ZNF808: variants seen among roughly 807,000 people sequenced by gnomAD.
ZNF808 encodes zinc finger protein 808.
ZNF808 carries 5 observed loss-of-function variants against 8.7 expected under a neutral mutation model. That is an observed-to-expected ratio of 0.58 (90% CI 0.30 to 1.21). ZNF808 has a LOEUF of 1.21. Among genes scored for constraint, ZNF808 ranks in the 50% most tolerant of loss-of-function variants. ZNF808 has a pLI of 0.07. For missense variants in ZNF808, 1,103 were observed against 1,098.4 expected (o/e 1.00, Z -0.06); for synonymous variants, 380 against 366.0 (o/e 1.04, Z -0.44).
exon 4 of ZNF808, chr19:52,564,431 A>G (rs905038241): frequency 3.5e-6 from 1 of 286,566 alleles, no homozygotes; most frequent in Non-Finnish European, 6.4e-6. Flanking sequence ...TTCAAAAAAA[A>G]AATTTTAATG....
At position 52,555,817 on chromosome 19, in the gene ZNF808, C is replaced by A; in HGVS notation, c.*189C>A. On this transcript the variant is annotated 3_prime_UTR_variant, in exon 5 of 5. Coordinates refer to ENST00000359798, the MANE Select transcript of ZNF808 (RefSeq NM_001039886.4). ...ACAAATGTCATGATTGAGGCAAGGT[C>A]TTCAGTCAAGCTTCATCCTATGCAA... The A allele has an allele frequency of 2.2e-6, 2 of 895,178 alleles. No homozygotes were observed. The highest frequency in any genetic ancestry group is 3.6e-6 in the Non-Finnish European group (2 of 549,680). The allele number at this position is 895,178 out of a possible 1,614,324, so 55.5% of individuals were successfully genotyped here. A position where few individuals can be genotyped will look rare whatever the true frequency, so the allele number is the denominator to read the frequency against.
In ZNF808 at chr19:52,553,478, T is replaced by C. The variant is rs758449836; in HGVS notation, c.562T>C (p.Ser188Pro). The C allele has an allele frequency of 1.9e-6, 3 of 1,614,154 alleles. No individual in the cohort carries two copies. In the Admixed American group the frequency reaches 5.0e-5, roughly 27 times the overall value. ...ACTTGAGAAGTCTACCAGTGATGCT[T>C]CCTCAGTTTCAACATCCCAAAGAAT... ...NQLEKSTSDA[S>P]SVSTSQRISC... Residue 188 changes from serine to proline, a missense_variant, in exon 5 of 5, where the codon TCC (serine) becomes CCC (proline). Physicochemically the swap from Ser to Pro is moderately conservative, Grantham distance 74 (BLOSUM62 -1). Transcript: ENST00000359798.
chr19:52,534,789 TGAGGCAGAAGAATAGCTTCAACCCAG>T (rs1568478422), intron 2 of ZNF808, among the ~76,000 whole-genome samples: 1 of 151,894 alleles, frequency 6.6e-6, no homozygotes, highest in Non-Finnish European at 1.5e-5. Context: ...CTCGAAAGGC[TGAGGCAGAAGAATAGCTTCAACCCAG>T]GAGGCAGAGG....
At chr19:52,560,734 C>T (rs1412366173), downstream of ZNF808, among the ~76,000 whole-genome samples, 1 of 152,150 alleles carries the variant, frequency 6.6e-6, no homozygotes, top group Non-Finnish European at 1.5e-5. Flanking sequence ...TTCCATTTTC[C>T]TCCAAGCTCA....
intron 3 of ZNF808, 72 bp from the exon 4 acceptor site, chr19:52,547,440 T>A: frequency 6.2e-7 from 1 of 1,603,676 alleles, no homozygotes; most frequent in Non-Finnish European, 8.5e-7. Context: ...TTATTTTCCC[T>A]TTTCTCATTT....
chr19:52,551,081 A>T (rs1160942428), intron 4 of ZNF808, among the ~76,000 whole-genome samples: 9 of 152,176 alleles, frequency 5.9e-5, no homozygotes, highest in African/African-American at 2.2e-4. Flanking sequence ...ATTGGGCATG[A>T]TGACTCATGC....
downstream of ZNF808, among the ~76,000 whole-genome samples, chr19:52,561,204 CTCTCTCTCTATATA>C (rs1279725765): frequency 9.1e-3 from 357 of 39,062 alleles, 3 homozygotes; most frequent in Middle Eastern, 0.017. Context: ...CTCTCTCTCT[CTCTCTCTCTATATA>C]TATATATATA....
intron 2 of ZNF808, among the ~76,000 whole-genome samples, chr19:52,535,499 C>T (rs1205213080): frequency 2.0e-5 from 3 of 152,168 alleles, no homozygotes; most frequent in African/African-American, 2.4e-5. Flanking sequence ...CCTCAGGCTT[C>T]CGCCCCGTGC....
chr19:52,567,604 A>G (rs779519461), downstream of ZNF808, among the ~76,000 whole-genome samples: 3 of 150,826 alleles, frequency 2.0e-5, no homozygotes, highest in Non-Finnish European at 4.4e-5. Flanking sequence ...GGCTCACCAC[A>G]GCTTCCATTT....
chr19:52,566,772 C>G (rs188506888), downstream of ZNF808, among the ~76,000 whole-genome samples: 1 of 152,212 alleles, frequency 6.6e-6, no homozygotes, highest in East Asian at 1.9e-4. Flanking sequence ...TTCCTTACTG[C>G]TCACGCATGA....
At chr19:52,547,730 T>A in intron 4 of ZNF808, 92 bp downstream of exon 4, 4 of 1,400,842 alleles carry the variant, frequency 2.9e-6, no homozygotes, top group East Asian at 2.5e-5. Flanking sequence ...TTTTGCCCCA[T>A]CCATGCTGGT....
At chr19:52,557,805 T>G (rs1489418075), downstream of ZNF808, among the ~76,000 whole-genome samples, 1 of 152,098 alleles carries the variant, frequency 6.6e-6, no homozygotes, top group Non-Finnish European at 1.5e-5. Flanking sequence ...AGGATGTGGG[T>G]GATAAGACCA....
intron 1 of ZNF808, among the ~76,000 whole-genome samples, chr19:52,530,063 C>A (rs565178991): frequency 1.3e-5 from 2 of 151,710 alleles, no homozygotes; most frequent in East Asian, 3.9e-4. Context: ...CCTACATAGC[C>A]CCCCCCTTTT....
At chr19:52,551,860 A>G (rs2059780159) in intron 4 of ZNF808, among the ~76,000 whole-genome samples, 3 of 151,992 alleles carry the variant, frequency 2.0e-5, no homozygotes, top group Non-Finnish European at 1.5e-5. Flanking sequence ...AAAATTAGCC[A>G]GGTGTAGTGG....
downstream of ZNF808, among the ~76,000 whole-genome samples, chr19:52,565,003 G>A (rs777248236): frequency 5.9e-5 from 9 of 152,124 alleles, no homozygotes; most frequent in Non-Finnish European, 5.9e-5. Flanking sequence ...GGAGAATGGC[G>A]TGAACCCTGG....
rs771834497 is a variant in ZNF808, at chr19:52,553,299, C to T, written c.383C>T (p.Pro128Leu). The T allele has an allele frequency of 9.3e-6, 15 of 1,613,472 alleles. No individual in the cohort carries two copies. In the Admixed American group the frequency reaches 2.3e-4, roughly 25 times the overall value. ...QEDERNGHEA[P>L]TTKIKKLTGS... is the part of the protein sequence containing the mutation. ...GATGAAAGAAATGGCCATGAAGCAC[C>T]CACGACAAAAATAAAAAAGTTGACT... The change falls in exon 5 of 5, where the codon CCC becomes CTC. Residue 128 changes from proline (P) to leucine (L), a missense_variant. Physicochemically the swap from Pro to Leu is moderately conservative, Grantham distance 98. Coordinates refer to ENST00000359798, the MANE Select transcript of ZNF808 (RefSeq NM_001039886.4).
chr19:52,566,805 A>C (rs2059874040), downstream of ZNF808, among the ~76,000 whole-genome samples: 1 of 152,190 alleles, frequency 6.6e-6, no homozygotes, highest in African/African-American at 2.4e-5. Context: ...AGATGTTTAC[A>C]GTTAAGAAAA....
chr19:52,553,031 G>A (rs2059792899), intron 4 of ZNF808, 76 bp from the exon 5 acceptor site: 2 of 1,420,244 alleles, frequency 1.4e-6, no homozygotes, highest in East Asian at 5.0e-5. Context: ...ATTGTTTTTT[G>A]TGTCATATTT....
intron 2 of ZNF808, among the ~76,000 whole-genome samples, chr19:52,534,199 C>G (rs959392445): frequency 3.3e-5 from 5 of 152,142 alleles, no homozygotes; most frequent in Non-Finnish European, 5.9e-5. Context: ...CCACCATGCC[C>G]AGCTAATTTT....
Sources: allele counts gnomAD v4.1 joint callset (sites outside exome capture counted in the v4.1 genomes callset), GRCh38; gene constraint gnomAD v4.1.1; transcripts MANE v1.5; gene names NCBI Gene and HGNC (gene_info 2026-07-23, HGNC 2026-07-21).